Variants in EPAS1 observed in about 807,000 individuals in gnomAD.
The protein encoded by EPAS1 is endothelial PAS domain protein 1.
In EPAS1, 23 loss-of-function variants were observed where a neutral mutation model predicts 87.9. The observed-to-expected ratio is 0.26, with a 90% CI of 0.19 to 0.37. The LOEUF is 0.37. Ranked by LOEUF, EPAS1 falls within the 10% of genes least tolerant of loss-of-function variation. EPAS1 has a pLI of 1.00. For missense variants in EPAS1, 1,138 were observed against 1,120.7 expected, an observed-to-expected ratio of 1.02 and a Z score of -0.22; for synonymous variants, 508 against 444.3, an observed-to-expected ratio of 1.14 and a Z score of -1.80.
At chr2:46,304,427 C>A (rs990814685) in intron 1 of EPAS1, among the ~76,000 whole-genome samples, 1 of 152,154 alleles carries the variant, frequency 6.6e-6, no homozygotes, top group African/African-American at 2.4e-5. Flanking sequence ...CTGAAGATAT[C>A]TATAAAGTAT....
In EPAS1 at chr2:46,371,714, T is replaced by G. The variant is rs980668079; in HGVS notation, c.886+1781T>G. Among the ~76,000 whole-genome samples the G allele has an allele frequency of 2.0e-5, 3 of 152,184 alleles. No homozygotes were observed. The highest frequency in any genetic ancestry group is 4.4e-5 in the Non-Finnish European group (3 of 68,032). On this transcript the variant is annotated intron_variant, in intron 7 of 15. Transcript: ENST00000263734. This position sits in a 1 kb window ranked among gnomAD's most constrained non-coding sequence, Gnocchi z 4.3. ...GACAGAATCATCCAGGCACTGGGAC[T>G]TAGCGGCCCAGGCTCTGGCCCAGCC...
At chr2:46,329,727 C>T (rs1291598600) in intron 1 of EPAS1, among the ~76,000 whole-genome samples, 2 of 152,160 alleles carry the variant, frequency 1.3e-5, no homozygotes, top group Middle Eastern at 3.4e-3. Flanking sequence ...GAGGCTGAGG[C>T]GGGAGAATCG....
At chr2:46,306,558 C>A (rs576318590) in intron 1 of EPAS1, among the ~76,000 whole-genome samples, 1 of 152,320 alleles carries the variant, frequency 6.6e-6, no homozygotes, top group Middle Eastern at 3.4e-3. Context: ...TTACAGGCCT[C>A]CTTCCTACCT....
chr2:46,347,161 C>A lies in EPAS1; in HGVS notation c.217+98C>A. On this transcript the variant is annotated intron_variant, in intron 2 of 15. Transcript: ENST00000263734. The surrounding 1 kb of genome is among the most constrained non-coding windows in gnomAD (Gnocchi z 4.2). ...TTCTGCTGCCAGAGCTGGAAAGTCA[C>A]CCCACTACAGAACTTTCACCCACAG... is the stretch of plus-strand genomic sequence containing the variant. The A allele has an allele frequency of 7.3e-7, 1 of 1,375,484 alleles. No individual in the cohort carries two copies. Among genetic ancestry groups the A allele is most frequent in the Non-Finnish European group, 1.0e-6 (1 of 967,580 alleles). 85.2% of individuals were successfully genotyped at this position (1,375,484 alleles called of 1,614,324 possible). A position where few individuals can be genotyped will look rare whatever the true frequency, so the allele number is the denominator to read the frequency against.
intron 6 of EPAS1, among the ~76,000 whole-genome samples, chr2:46,365,567 T>C (rs903395357): frequency 3.3e-5 from 5 of 152,220 alleles, no homozygotes; most frequent in Non-Finnish European, 5.9e-5. Flanking sequence ...AACCTTCCTA[T>C]GTATACTCTT....
At chr2:46,333,306 C>T (rs557888120) in intron 1 of EPAS1, among the ~76,000 whole-genome samples, 2 of 152,274 alleles carry the variant, frequency 1.3e-5, no homozygotes, top group East Asian at 1.9e-4. Context: ...TACTTTGATA[C>T]ATGAGAGGTT....
chr2:46,334,895 G>A (rs1683756970), intron 1 of EPAS1, among the ~76,000 whole-genome samples: 1 of 152,162 alleles, frequency 6.6e-6, no homozygotes, highest in Non-Finnish European at 1.5e-5. Context: ...GAGCAAGAGA[G>A]GGCAGAATTG....
chr2:46,360,670 T>G lies in EPAS1; in HGVS notation c.487T>G (p.Ser163Ala), dbSNP rs771115759. 12 of 1,613,840 alleles carry G rather than the reference T, an allele frequency of 7.4e-6. No homozygotes were observed. Among genetic ancestry groups the G allele is most frequent in the Non-Finnish European group, 1.0e-5 (12 of 1,180,024 alleles). The change falls in exon 5 of 16, where the codon TCC becomes GCC. Residue 163 changes from serine (S) to alanine (A), a missense_variant. By Grantham distance (99) the Ser-to-Ala change is moderately conservative. Coordinates refer to ENST00000263734, the MANE Select transcript of EPAS1 (RefSeq NM_001430.5). The surrounding 1 kb of genome is among the most constrained non-coding windows in gnomAD (Gnocchi z 4.5). The stretch of plus-strand genomic sequence containing the variant: ...TTTTGGGAAAAAAAGCAAAGACATG[T>G]CCACAGAGCGGGACTTCTTCATGAG... ...SGFGKKSKDMSTERDFFMRMK... is the reference protein window; with the variant it reads ...SGFGKKSKDMATERDFFMRMK...
intron 1 of EPAS1, among the ~76,000 whole-genome samples, chr2:46,323,874 T>C (rs1430427588): frequency 6.6e-6 from 1 of 152,178 alleles, no homozygotes; most frequent in Non-Finnish European, 1.5e-5. Context: ...AAACTGACTG[T>C]ATTGGGTGTG....
At chr2:46,343,565 A>C (rs1683952363) in intron 1 of EPAS1, among the ~76,000 whole-genome samples, 1 of 152,238 alleles carries the variant, frequency 6.6e-6, no homozygotes, top group Non-Finnish European at 1.5e-5. Flanking sequence ...GATAGTTTCT[A>C]TCTCTCAGGG....
Position 46,347,759 on chromosome 2 carries a change from A to G in EPAS1, c.217+696A>G, listed in dbSNP as rs964592247. Among the ~76,000 whole-genome samples, 6 of 152,260 alleles carry G rather than the reference A, an allele frequency of 3.9e-5. 1 individual carries two copies. The Middle Eastern group carries it at 0.017, about 432-fold the overall frequency. ...AAGACATTTGCTTTTTCTCAGTTAC[A>G]TTCTTCAAGAAACCATTTCCTATGC... On this transcript the variant is annotated intron_variant, in intron 2 of 15. Coordinates refer to ENST00000263734, the MANE Select transcript of EPAS1 (RefSeq NM_001430.5). This position sits in a 1 kb window ranked among gnomAD's most constrained non-coding sequence, Gnocchi z 4.2.
At chr2:46,369,339 T>A (rs1684574212) in intron 6 of EPAS1, among the ~76,000 whole-genome samples, 1 of 152,202 alleles carries the variant, frequency 6.6e-6, no homozygotes, top group African/African-American at 2.4e-5. Flanking sequence ...TGGGGCCACA[T>A]AATTTTCATG....
At chr2:46,357,129 G>A (rs1684285570) in intron 4 of EPAS1, among the ~76,000 whole-genome samples, 1 of 152,208 alleles carries the variant, frequency 6.6e-6, no homozygotes, top group South Asian at 2.1e-4. Context: ...CCAAACCAAT[G>A]AGGAACTAGT....
At chr2:46,342,023 T>C (rs1353752563) in intron 1 of EPAS1, among the ~76,000 whole-genome samples, 7 of 152,162 alleles carry the variant, frequency 4.6e-5, no homozygotes, top group African/African-American at 1.7e-4. Flanking sequence ...CTTTAAAAAC[T>C]GGCTGCTTTG....
intron 1 of EPAS1, among the ~76,000 whole-genome samples, chr2:46,343,122 T>C (rs868420280): frequency 1.3e-5 from 2 of 152,168 alleles, no homozygotes; most frequent in African/African-American, 4.8e-5. Context: ...TCTGATAACA[T>C]TCCCCCACCC....
At chr2:46,349,037 T>G (rs1438899742) in intron 2 of EPAS1, among the ~76,000 whole-genome samples, 1 of 152,194 alleles carries the variant, frequency 6.6e-6, no homozygotes, top group African/African-American at 2.4e-5. Context: ...GGAATTCAAG[T>G]CCTTTTGAAT....
At chr2:46,318,181 T>TACACACACAC (rs59285248) in intron 1 of EPAS1, among the ~76,000 whole-genome samples, 228 of 150,686 alleles carry the variant, frequency 1.5e-3, no homozygotes, top group Middle Eastern at 6.8e-3. Flanking sequence ...GAGAGAGAGA[T>TACACACACAC]ACACACACAC....
chr2:46,311,275 A>G (rs77887759), intron 1 of EPAS1, among the ~76,000 whole-genome samples: 249 of 152,226 alleles, frequency 1.6e-3, no homozygotes, highest in African/African-American at 5.7e-3. Flanking sequence ...GGTTGGTTCA[A>G]TGACTCGCTC....
chr2:46,357,242 T>C (rs1318735535), intron 4 of EPAS1, among the ~76,000 whole-genome samples: 1 of 152,030 alleles, frequency 6.6e-6, no homozygotes, highest in Non-Finnish European at 1.5e-5. Flanking sequence ...GTTCTGTGGG[T>C]TCAGTGGGTG....
Sources: allele counts gnomAD v4.1 joint callset (sites outside exome capture counted in the v4.1 genomes callset), GRCh38; gene constraint gnomAD v4.1.1; non-coding constraint Gnocchi (gnomAD v3.1); transcripts MANE v1.5; gene names NCBI Gene and HGNC (gene_info 2026-07-23, HGNC 2026-07-21).